The following ADAM32 variants were observed in gnomAD, a reference collection of about 807,000 sequenced individuals.
ADAM32 encodes the protein disintegrin and metalloproteinase domain-containing protein 32.
A neutral mutation model predicts 114.9 loss-of-function variants in ADAM32; 89 were observed. That is an observed-to-expected ratio of 0.77 (90% CI 0.65 to 0.92). ADAM32 has a LOEUF of 0.92. ADAM32 is among the 40% of genes least tolerant of loss of function. The probability of loss-of-function intolerance (pLI) is 0.00; values close to 1 mark genes in which losing one functional copy is unlikely to be tolerated. For synonymous variants in ADAM32, 285 were observed against 307.5 expected (o/e 0.93, Z 0.77); for missense variants, 870 against 932.8 (o/e 0.93, Z 0.88).
At chr8:39,178,317 C>T (rs1297930610) in intron 10 of ADAM32, among the ~76,000 whole-genome samples, 1 of 152,114 alleles carries the variant, frequency 6.6e-6, no homozygotes, top group African/African-American at 2.4e-5. Context: ...GCTATTGATA[C>T]TTGTGATTGC....
intron 19 of ADAM32, among the ~76,000 whole-genome samples, chr8:39,260,030 C>T (rs1334261389): frequency 6.6e-6 from 1 of 152,164 alleles, no homozygotes; most frequent in Admixed American, 6.5e-5. Flanking sequence ...TGGAATCCTA[C>T]TTTTTCATTC....
intron 17 of ADAM32, among the ~76,000 whole-genome samples, chr8:39,247,584 T>TAAC (rs1486604755): frequency 2.0e-5 from 3 of 152,166 alleles, no homozygotes; most frequent in Admixed American, 2.0e-4. Context: ...ATATTTTGAA[T>TAAC]AACAGTCATG....
At chr8:39,114,350 A>G (rs1840288484) in intron 1 of ADAM32, among the ~76,000 whole-genome samples, 1 of 152,232 alleles carries the variant, frequency 6.6e-6, no homozygotes, top group Admixed American at 6.5e-5. Context: ...GGTCCTTCCT[A>G]AAGAGGACTC....
chr8:39,169,861 C>T, intron 9 of ADAM32, 55 bp from the exon 10 acceptor site: 1 of 1,326,958 alleles, frequency 7.5e-7, no homozygotes, highest in South Asian at 1.4e-5. Context: ...AGCAGGAATT[C>T]TCATTTTTAA....
intron 19 of ADAM32, among the ~76,000 whole-genome samples, chr8:39,264,143 G>A (rs1013988959): frequency 6.6e-6 from 1 of 152,064 alleles, no homozygotes; most frequent in African/African-American, 2.4e-5. Context: ...TTAGGTTCAG[G>A]GGGTACATGT....
chr8:39,201,966 A>T (rs952581887), intron 11 of ADAM32, among the ~76,000 whole-genome samples: 2 of 152,214 alleles, frequency 1.3e-5, no homozygotes, highest in Non-Finnish European at 2.9e-5. Flanking sequence ...CTTGCATCCC[A>T]GGGATGAAGC....
chr8:39,231,572 T>C (rs894306579), intron 14 of ADAM32, among the ~76,000 whole-genome samples: 15 of 152,118 alleles, frequency 9.9e-5, no homozygotes, highest in Non-Finnish European at 1.6e-4. Flanking sequence ...AAGGAAAAAA[T>C]AGATAAATAC....
intron 1 of ADAM32, among the ~76,000 whole-genome samples, chr8:39,109,418 G>A (rs780347708): frequency 1.3e-4 from 20 of 151,990 alleles, no homozygotes; most frequent in South Asian, 1.0e-3. Context: ...GTGGTGGTGC[G>A]TGCCTGTAAT....
chr8:39,196,597 G>A (rs1358426542), intron 11 of ADAM32, among the ~76,000 whole-genome samples: 4 of 151,914 alleles, frequency 2.6e-5, no homozygotes, highest in South Asian at 2.1e-4. Context: ...ATGATTTTGC[G>A]GTTTTTGTCC....
chr8:39,213,007 T>C (rs537013939), intron 12 of ADAM32, among the ~76,000 whole-genome samples: 13 of 152,178 alleles, frequency 8.5e-5, no homozygotes, highest in South Asian at 2.1e-4. Context: ...ATGCTCTTAC[T>C]GGCGATTTTT....
chr8:39,268,634 A>G (rs759876280), intron 19 of ADAM32, among the ~76,000 whole-genome samples: 49 of 152,162 alleles, frequency 3.2e-4, no homozygotes, highest in Non-Finnish European at 4.0e-4. Flanking sequence ...TTTATAGATC[A>G]TAATTTTGGT....
At chr8:39,227,291 T>C (rs1391349899) in intron 14 of ADAM32, among the ~76,000 whole-genome samples, 8 of 152,150 alleles carry the variant, frequency 5.3e-5, no homozygotes, top group African/African-American at 1.7e-4. Context: ...GTTTCCGACC[T>C]TACCTGGAGC....
At position 39,275,792 on chromosome 8, in the gene ADAM32, T is replaced by G. The variant is rs372829521; in HGVS notation, c.2241-36T>G. ...TATGGAGGCACATTTGTGTTAAGTA[T>G]TAACGTGGAAGCATTACTTTTTCGC... On this transcript the variant is annotated intron_variant, in intron 21 of 24. Coordinates refer to ENST00000379907, the MANE Select transcript of ADAM32 (RefSeq NM_145004.7). 6.5e-5 allele frequency: 100 copies of G among 1,538,788 alleles called. 1 individual carries two copies. Among genetic ancestry groups the G allele is most frequent in the Middle Eastern group, 1.7e-4 (1 of 5,968 alleles).
Position 39,211,246 on chromosome 8 carries a change from G to A in ADAM32, c.1155G>A (p.Met385Ile), listed in dbSNP as rs189184451. 1.9e-6 allele frequency: 3 copies of A among 1,604,556 alleles called. No homozygotes were observed. The highest frequency in any genetic ancestry group is 2.3e-5 in the East Asian group (1 of 44,358). ...AATGTCTTCAGAATAAGCCACAAAT[G>A]CAAAAAAAATCTCCGAAACCAGTCT... ...GVKCLQNKPQMQKKSPKPVCG... is the reference protein window; with the variant it reads ...GVKCLQNKPQIQKKSPKPVCG... The change falls in exon 12 of 25, where the codon ATG (methionine) becomes ATA (isoleucine). Residue 385 changes from methionine to isoleucine, a missense_variant. Physicochemically the swap from Met to Ile is conservative, Grantham distance 10. Transcript: ENST00000379907.
intron 11 of ADAM32, among the ~76,000 whole-genome samples, chr8:39,205,319 G>T (rs530399144): frequency 6.6e-6 from 1 of 152,182 alleles, no homozygotes; most frequent in African/African-American, 2.4e-5. Context: ...CTCAAGCCTC[G>T]GCAATGGCAG....
chr8:39,212,658 A>C (rs1808307324), intron 12 of ADAM32, among the ~76,000 whole-genome samples: 1 of 152,212 alleles, frequency 6.6e-6, no homozygotes, highest in East Asian at 1.9e-4. Flanking sequence ...TCTCCCTTTT[A>C]ATTTTGAGTA....
chr8:39,224,663 A>G (rs948762049), intron 14 of ADAM32, among the ~76,000 whole-genome samples: 7 of 152,110 alleles, frequency 4.6e-5, no homozygotes, highest in African/African-American at 1.4e-4. Flanking sequence ...CTTATTATAT[A>G]TATGATCTGC....
intron 11 of ADAM32, among the ~76,000 whole-genome samples, chr8:39,200,408 G>A (rs148826866): frequency 0.029 from 4,446 of 152,200 alleles, 233 homozygotes; most frequent in African/African-American, 0.1. Flanking sequence ...TCTGTTGGCC[G>A]CATAAATATC....
chr8:39,107,720 C>T (rs892562687), upstream of ADAM32: 1 of 1,549,782 alleles, frequency 6.5e-7, no homozygotes, highest in African/African-American at 1.4e-5. Flanking sequence ...GTCCCCGCGT[C>T]CCTGGCAATT....
Sources: allele counts gnomAD v4.1 joint callset (sites outside exome capture counted in the v4.1 genomes callset), GRCh38; gene constraint gnomAD v4.1.1; transcripts MANE v1.5; gene names NCBI Gene and HGNC (gene_info 2026-07-23, HGNC 2026-07-21).